Variants in AMZ1 observed in about 807,000 individuals in gnomAD.
The protein encoded by AMZ1 is archaemetzincin-1.
AMZ1 carries 39 observed loss-of-function variants against 29.9 expected under a neutral mutation model. That is an observed-to-expected ratio of 1.30 (90% CI 1.01 to 1.70). AMZ1 has a LOEUF of 1.70. Ranked by LOEUF, AMZ1 falls within the 40% of genes most tolerant of loss-of-function variation. AMZ1 has a pLI of 0.00. For missense variants in AMZ1, 1,041 were observed against 680.6 expected (o/e 1.53, Z -5.89); for synonymous variants, 458 against 304.0 (o/e 1.51, Z -5.27).
At position 2,710,313 on chromosome 7, in the gene AMZ1, G is replaced by A. The variant is rs185549956; in HGVS notation, c.948+497G>A. On this transcript the variant is annotated intron_variant, in intron 6 of 6. Coordinates refer to ENST00000683327, the MANE Select transcript of AMZ1 (RefSeq NM_001384743.1). Reference sequence around the variant, plus strand: ...GGGTTGCCGAGCAAAGGGCTCGTCCGTATTCATGGACATTTGTTTGCAAGC... The same window carrying A: ...GGGTTGCCGAGCAAAGGGCTCGTCCATATTCATGGACATTTGTTTGCAAGC... 2.4e-4 allele frequency among the ~76,000 whole-genome samples: 37 copies of A among 152,334 alleles called. No individual in the cohort carries two copies. In the East Asian group the frequency reaches 3.1e-3, roughly 13 times the overall value.
At chr7:2,724,600 C>T (rs985907037), downstream of AMZ1, among the ~76,000 whole-genome samples, 3 of 151,616 alleles carry the variant, frequency 2.0e-5, no homozygotes, top group Non-Finnish European at 4.4e-5. Flanking sequence ...TTCAGGCTGA[C>T]GTGGGACCCC....
Position 2,712,487 on chromosome 7 carries a change from C to A in AMZ1, c.1106C>A (p.Thr369Asn), listed in dbSNP as rs1583180024. ...EPGTSVSEPLTPDAGSHTFAS... is the reference protein window; with the variant it reads ...EPGTSVSEPLNPDAGSHTFAS... ...GGCACCAGTGTGTCGGAGCCCCTCACCCCTGATGCCGGGAGTCACACCTTC... is the reference window on the plus strand; with the variant it reads ...GGCACCAGTGTGTCGGAGCCCCTCAACCCTGATGCCGGGAGTCACACCTTC... Residue 369 changes from threonine to asparagine, a missense_variant, in exon 7 of 7, where the codon ACC becomes AAC. Physicochemically the swap from Thr to Asn is moderately conservative, Grantham distance 65 (BLOSUM62 0). Transcript: ENST00000683327. The A allele has an allele frequency of 6.2e-7, 1 of 1,610,110 alleles. No homozygotes were observed. The highest frequency in any genetic ancestry group is 8.5e-7 in the Non-Finnish European group (1 of 1,178,922).
chr7:2,695,223 G>T (rs1298269367), intron 1 of AMZ1, among the ~76,000 whole-genome samples: 1 of 152,094 alleles, frequency 6.6e-6, no homozygotes, highest in African/African-American at 2.4e-5. Context: ...TTCCTTTATG[G>T]TCCAGAGGCG....
chr7:2,745,948 T>A (rs1218564261), intron 4 of AMZ1, among the ~76,000 whole-genome samples: 2 of 151,976 alleles, frequency 1.3e-5, no homozygotes, highest in African/African-American at 4.8e-5. Flanking sequence ...GGTAAAGCGA[T>A]CAATTCAACA....
chr7:2,689,608 G>A (rs1583139491), intron 1 of AMZ1, among the ~76,000 whole-genome samples: 1 of 152,230 alleles, frequency 6.6e-6, no homozygotes, highest in African/African-American at 2.4e-5. Context: ...GCCCCCAGCT[G>A]TGTCGCCAGG....
intron 3 of AMZ1, among the ~76,000 whole-genome samples, chr7:2,708,178 C>G (rs1224111610): frequency 6.6e-6 from 1 of 152,168 alleles, no homozygotes; most frequent in South Asian, 2.1e-4. Flanking sequence ...AGAAAAACGC[C>G]TCCATCCCAA....
rs1293057573 is a variant in AMZ1, at chr7:2,702,639, C to A, written c.305-83C>A. 3.5e-6 allele frequency: 5 copies of A among 1,431,608 alleles called. No homozygotes were observed. The African/African-American group carries it at 5.7e-5, about 16-fold the overall frequency. The allele number at this position is 1,431,608 out of a possible 1,614,324, so 88.7% of individuals were successfully genotyped here. Reference sequence around the variant, plus strand: ...ACATTGGCCTTGTTCACCCAGCAGGCCGGTGTCTGCGAGTGATTCCCGGGG... The same window carrying A: ...ACATTGGCCTTGTTCACCCAGCAGGACGGTGTCTGCGAGTGATTCCCGGGG... On this transcript the variant is annotated intron_variant, in intron 2 of 6. Coordinates refer to ENST00000683327, the MANE Select transcript of AMZ1 (RefSeq NM_001384743.1).
intron 4 of AMZ1, among the ~76,000 whole-genome samples, chr7:2,748,412 G>A (rs1437941045): frequency 1.3e-5 from 2 of 152,130 alleles, no homozygotes; most frequent in Admixed American, 6.5e-5. Flanking sequence ...AATGGGGAAA[G>A]GATTCCCTAT....
chr7:2,694,095 C>G (rs918272973), intron 1 of AMZ1, among the ~76,000 whole-genome samples: 3 of 152,170 alleles, frequency 2.0e-5, no homozygotes, highest in African/African-American at 4.8e-5. Flanking sequence ...TGATGCAACA[C>G]CGTTCCTGGG....
At chr7:2,752,445 A>T (rs1037124536) in intron 4 of AMZ1, among the ~76,000 whole-genome samples, 1 of 152,252 alleles carries the variant, frequency 6.6e-6, no homozygotes, top group African/African-American at 2.4e-5. Context: ...AACAGCAAAA[A>T]GCAAGACAGC....
chr7:2,734,780 C>G (rs549972519), intron 4 of AMZ1, among the ~76,000 whole-genome samples: 1 of 152,210 alleles, frequency 6.6e-6, no homozygotes, highest in Admixed American at 6.5e-5. Context: ...CTGTGTTGAG[C>G]GAGCACACAT....
downstream of AMZ1, among the ~76,000 whole-genome samples, chr7:2,721,517 C>T (rs909514538): frequency 2.0e-5 from 3 of 152,122 alleles, no homozygotes; most frequent in Admixed American, 6.5e-5. Flanking sequence ...GAGATCGAGA[C>T]CATCCTCGCT....
chr7:2,689,981 C>A (rs1175609796), intron 1 of AMZ1, among the ~76,000 whole-genome samples: 2 of 152,158 alleles, frequency 1.3e-5, no homozygotes, highest in African/African-American at 4.8e-5. Context: ...ACTCAGCTGG[C>A]AGCTGACAGT....
chr7:2,711,527 G>A (rs1388420449), intron 6 of AMZ1, among the ~76,000 whole-genome samples: 1 of 152,212 alleles, frequency 6.6e-6, no homozygotes, highest in African/African-American at 2.4e-5. Context: ...CTAACCTTGA[G>A]AGCAGAGGTG....
In AMZ1 at chr7:2,709,333, C is replaced by G. The variant is rs977898702; in HGVS notation, c.771+89C>G. 3 of 1,318,446 alleles carry G rather than the reference C, an allele frequency of 2.3e-6. No homozygotes were observed. In the Admixed American group the frequency reaches 9.2e-5, roughly 40 times the overall value. The allele number at this position is 1,318,446 out of a possible 1,614,324, so 81.7% of individuals were successfully genotyped here. On this transcript the variant is annotated intron_variant, in intron 5 of 6. Coordinates refer to ENST00000683327, the MANE Select transcript of AMZ1 (RefSeq NM_001384743.1). Reference sequence around the variant, plus strand: ...TCGGTCTGTTACACTGCCCCATCCTCACAGTGAAGTGGATGGACCCCTAAC... The same window carrying G: ...TCGGTCTGTTACACTGCCCCATCCTGACAGTGAAGTGGATGGACCCCTAAC...
intron 4 of AMZ1, chr7:2,733,646 G>T: frequency 1.5e-6 from 1 of 654,902 alleles, no homozygotes; most frequent in African/African-American, 1.8e-5. Context: ...GAGTGTCCGT[G>T]TGTTTTCTAA....
intron 4 of AMZ1, among the ~76,000 whole-genome samples, chr7:2,744,217 GCCT>G (rs1790653506): frequency 6.6e-6 from 1 of 152,356 alleles, no homozygotes; most frequent in Non-Finnish European, 1.5e-5. Context: ...CGGGCAGACT[GCCT>G]CCTCAAGTGG....
chr7:2,709,531 C>G (rs567816107), intron 5 of AMZ1, 109 bp from the exon 6 acceptor site: 17 of 1,468,188 alleles, frequency 1.2e-5, no homozygotes, highest in Non-Finnish European at 1.5e-5. Flanking sequence ...ACCTCCCGGC[C>G]ATCTGGCCTC....
At chr7:2,697,021 A>G (rs1787786620) in intron 1 of AMZ1, among the ~76,000 whole-genome samples, 1 of 152,252 alleles carries the variant, frequency 6.6e-6, no homozygotes, top group Admixed American at 6.5e-5. Context: ...CTAGGAGTCC[A>G]TCTTGAGGAG....
Sources: allele counts gnomAD v4.1 joint callset (sites outside exome capture counted in the v4.1 genomes callset), GRCh38; gene constraint gnomAD v4.1.1; transcripts MANE v1.5; gene names NCBI Gene and HGNC (gene_info 2026-07-23, HGNC 2026-07-21).